ABAT: variants seen among roughly 807,000 people sequenced by gnomAD.
ABAT encodes the protein 4-aminobutyrate aminotransferase.
A neutral mutation model predicts 64.6 loss-of-function variants in ABAT; 45 were observed. The observed-to-expected ratio is 0.70, with a 90% confidence interval of 0.55 to 0.89. ABAT has a LOEUF of 0.89. ABAT is among the 40% of genes least tolerant of loss of function. The probability of loss-of-function intolerance (pLI) is 0.00; values close to 1 mark genes in which losing one functional copy is unlikely to be tolerated. For synonymous variants in ABAT, 297 were observed against 250.5 expected (o/e 1.19, Z -1.75); for missense variants, 633 against 658.4 (o/e 0.96, Z 0.42).
chr16:8,758,742 C>T (rs1195762974), intron 6 of ABAT, among the ~76,000 whole-genome samples: 1 of 152,110 alleles, frequency 6.6e-6, no homozygotes, highest in Non-Finnish European at 1.5e-5. Flanking sequence ...CACGTGAGAA[C>T]CCCTGCAATA....
rs571323798 is a variant in ABAT, at chr16:8,702,717, G to GT, written c.-42+28006_-42+28007insT. Among the ~76,000 whole-genome samples the GT allele has an allele frequency of 4.5e-3, 682 of 151,920 alleles. 7 individuals are homozygous for GT. Among genetic ancestry groups the GT allele is most frequent in the African/African-American group, 0.016 (643 of 41,442 alleles). ...TACGTTTCAACGTGAGATTTGGGTG[G>GT]GACATGGATCCAAACCATATCAGGG... On this transcript the variant is annotated intron_variant, in intron 1 of 15. Coordinates refer to ENST00000268251, the MANE Select transcript of ABAT (RefSeq NM_020686.6).
rs1267431673 is a variant in ABAT at position 8,768,324 on chromosome 16, C to T, written c.667+68C>T. On this transcript the variant is annotated intron_variant, in intron 10 of 15. Transcript: ENST00000268251. ...GTAATAATAACGGCAACAATAGCGG[C>T]GGCTGACATTAGCAGTTTACACATA... The T allele has an allele frequency of 6.6e-6, 10 of 1,511,482 alleles. No individual in the cohort carries two copies. The East Asian group carries it at 6.8e-5, about 10-fold the overall frequency. The allele number at this position is 1,511,482 out of a possible 1,614,324, so 93.6% of individuals were successfully genotyped here.
intron 1 of ABAT, among the ~76,000 whole-genome samples, chr16:8,676,722 G>A (rs560089381): frequency 6.6e-6 from 1 of 152,334 alleles, no homozygotes; most frequent in African/African-American, 2.4e-5. Context: ...CACTTGCATA[G>A]CTGGGTTTGC....
chr16:8,710,738 G>T (rs2058053967), intron 1 of ABAT, among the ~76,000 whole-genome samples: 1 of 147,680 alleles, frequency 6.8e-6, no homozygotes. Context: ...GAGGAAATAG[G>T]CTCAGGAGCA....
intron 1 of ABAT, among the ~76,000 whole-genome samples, chr16:8,687,678 G>C (rs2057487584): frequency 1.3e-5 from 2 of 152,202 alleles, no homozygotes; most frequent in African/African-American, 4.8e-5. Flanking sequence ...AAGGCCTGTG[G>C]TGGGGCTTGG....
rs185707353 is a variant in ABAT at position 8,703,676 on chromosome 16, C to G, written c.-42+28965C>G. Among the ~76,000 whole-genome samples, 11 of 152,246 alleles carry G rather than the reference C, an allele frequency of 7.2e-5. No homozygotes were observed. The East Asian group carries it at 2.1e-3, about 29-fold the overall frequency. The stretch of plus-strand genomic sequence containing the variant: ...TGGGTCTGTGTCCGTTCTCTAAAAA[C>G]TGAACTCTGCTTGAAATTGAGTGAA... On this transcript the variant is annotated intron_variant, in intron 1 of 15. Coordinates refer to ENST00000268251, the MANE Select transcript of ABAT (RefSeq NM_020686.6).
rs181387071 is a variant in ABAT at position 8,707,260 on chromosome 16, C to T, written c.-41-28439C>T. ...TGAGTACAGTGGTGCAATCATGGCT[C>T]ACTGCAGCCTCGACCTCCCAGACTC... On this transcript the variant is annotated intron_variant, in intron 1 of 15. Coordinates refer to ENST00000268251, the MANE Select transcript of ABAT (RefSeq NM_020686.6). Among the ~76,000 whole-genome samples the T allele has an allele frequency of 1.4e-3, 215 of 152,120 alleles. 1 individual carries two copies. The highest frequency in any genetic ancestry group is 2.5e-3 in the Non-Finnish European group (171 of 68,006).
Position 8,776,455 on chromosome 16 carries a change from G to T in ABAT, c.1234G>T (p.Gly412Trp), listed in dbSNP as rs756401661. The T allele has an allele frequency of 5.6e-6, 9 of 1,614,108 alleles. No homozygotes were observed. The highest frequency in any genetic ancestry group is 7.6e-6 in the Non-Finnish European group (9 of 1,180,012). ...CCTGCTAAATAATGCAGCCCATGCC[G>T]GGAAGGCCCTGCTCACAGGACTGCT... ...EDLLNNAAHA[G>W]KALLTGLLDL... The change falls in exon 14 of 16, where the codon GGG becomes TGG. Residue 412 changes from glycine to tryptophan, a missense_variant. By Grantham distance (184) the Gly-to-Trp change is radical. Transcript: ENST00000268251. This position sits in a 1 kb window ranked among gnomAD's most constrained non-coding sequence, Gnocchi z 4.4.
At chr16:8,678,633 G>A (rs113368756) in intron 1 of ABAT, among the ~76,000 whole-genome samples, 14 of 152,282 alleles carry the variant, frequency 9.2e-5, no homozygotes, top group African/African-American at 2.6e-4. Context: ...CTTTGGTCCA[G>A]CAATCCCACT....
chr16:8,738,773 T>G (rs994117645), intron 2 of ABAT, among the ~76,000 whole-genome samples: 1 of 151,938 alleles, frequency 6.6e-6, no homozygotes, highest in Non-Finnish European at 1.5e-5. Context: ...GCCTCCCAAG[T>G]AGCTGGGATT....
At chr16:8,760,774 G>A (rs13338443) in intron 6 of ABAT, among the ~76,000 whole-genome samples, 2,633 of 152,258 alleles carry the variant, frequency 0.017, 77 homozygotes, top group African/African-American at 0.06. Flanking sequence ...AACACACGAC[G>A]TCAAGGCCCA....
Position 8,764,165 on chromosome 16 carries a change from GCAATCC to G in ABAT, c.447+19_447+24del, listed in dbSNP as rs762079094. ...CTTGCTCTCGGTGAGTTCTGGAGAA[GCAATCC>G]CATTGTCTTCAGACGTGGTACTGGC... On this transcript the variant is annotated intron_variant, in intron 7 of 15. Coordinates refer to ENST00000268251, the MANE Select transcript of ABAT (RefSeq NM_020686.6). This position sits in a 1 kb window ranked among gnomAD's most constrained non-coding sequence, Gnocchi z 4.2. The G allele has an allele frequency of 4.4e-6, 7 of 1,608,618 alleles. No individual in the cohort carries two copies. The highest frequency in any genetic ancestry group is 6.0e-6 in the Non-Finnish European group (7 of 1,176,208).
At chr16:8,729,826 C>T (rs1300316805) in intron 1 of ABAT, among the ~76,000 whole-genome samples, 8 of 19,918 alleles carry the variant, frequency 4.0e-4, no homozygotes, top group African/African-American at 6.1e-4. Flanking sequence ...CCTTTTTTGT[C>T]TTAAAAAAAA....
chr16:8,718,782 T>C (rs1349578446), intron 1 of ABAT, among the ~76,000 whole-genome samples: 1 of 152,192 alleles, frequency 6.6e-6, no homozygotes, highest in East Asian at 1.9e-4. Context: ...CGATTGGCAT[T>C]CATTCGTAAA....
rs545296615 is a variant in ABAT, at chr16:8,700,497, T to C, written c.-42+25786T>C. Among the ~76,000 whole-genome samples the C allele has an allele frequency of 5.9e-5, 9 of 152,288 alleles. No homozygotes were observed. The South Asian group carries it at 1.7e-3, about 28-fold the overall frequency. ...TAACTGCTATTTAACATCTTCACCA[T>C]AGATTAGCTGAGCCTATTTTAGAAC... On this transcript the variant is annotated intron_variant, in intron 1 of 15. Transcript: ENST00000268251.
At chr16:8,778,334 G>C (rs2060327133) in intron 14 of ABAT, among the ~76,000 whole-genome samples, 1 of 152,170 alleles carries the variant, frequency 6.6e-6, no homozygotes, top group South Asian at 2.1e-4. Flanking sequence ...GGGAGAATCT[G>C]TTCCATGCCC....
chr16:8,675,909 C>T (rs2057188698), intron 1 of ABAT, among the ~76,000 whole-genome samples: 1 of 152,190 alleles, frequency 6.6e-6, no homozygotes, highest in Non-Finnish European at 1.5e-5. Context: ...TGGACATTGC[C>T]TGGTGGAATT....
At chr16:8,715,984 C>A (rs1316891083) in intron 1 of ABAT, among the ~76,000 whole-genome samples, 4 of 152,094 alleles carry the variant, frequency 2.6e-5, no homozygotes. Flanking sequence ...TTAACAGTTT[C>A]GAGGATTACA....
At chr16:8,716,058 G>A (rs1299310034) in intron 1 of ABAT, among the ~76,000 whole-genome samples, 1 of 152,158 alleles carries the variant, frequency 6.6e-6, no homozygotes, top group Non-Finnish European at 1.5e-5. Flanking sequence ...TGCCCAGGCT[G>A]GGCACTCTGC....
Sources: allele counts gnomAD v4.1 joint callset (sites outside exome capture counted in the v4.1 genomes callset), GRCh38; gene constraint gnomAD v4.1.1; non-coding constraint Gnocchi (gnomAD v3.1); transcripts MANE v1.5; gene names NCBI Gene and HGNC (gene_info 2026-07-23, HGNC 2026-07-21).